Variants in FBXW11 observed in about 807,000 individuals in gnomAD.
FBXW11 encodes F-box/WD repeat-containing protein 11.
FBXW11 carries 19 observed loss-of-function variants against 77.6 expected under a neutral mutation model. The observed-to-expected ratio is 0.24, with a 90% confidence interval of 0.17 to 0.36. FBXW11 has a LOEUF of 0.36. Among genes scored for constraint, FBXW11 ranks in the 10% least tolerant of loss-of-function variants. The pLI is 1.00. For missense variants in FBXW11, 334 were observed against 704.2 expected (o/e 0.47, Z 5.95); for synonymous variants, 235 against 249.4 (o/e 0.94, Z 0.54).
intron 7 of FBXW11, among the ~76,000 whole-genome samples, chr5:171,883,678 G>A (rs1758681741): frequency 6.6e-6 from 1 of 152,064 alleles, no homozygotes; most frequent in South Asian, 2.1e-4. Flanking sequence ...GGCCATTCTT[G>A]CAGGAGGTGG....
At chr5:171,965,742 T>C (rs995912789) in intron 1 of FBXW11, among the ~76,000 whole-genome samples, 1 of 152,188 alleles carries the variant, frequency 6.6e-6, no homozygotes, top group African/African-American at 2.4e-5. Flanking sequence ...ACTTATTTTG[T>C]TTAATTATAA....
chr5:171,952,448 T>TATA (rs1491271340), intron 2 of FBXW11, among the ~76,000 whole-genome samples: 2 of 10,882 alleles, frequency 1.8e-4, no homozygotes, highest in African/African-American at 2.9e-4. Context: ...TATATATATA[T>TATA]TTTTTTTTTT....
At chr5:171,872,126 T>C (rs1296982617) in intron 10 of FBXW11, among the ~76,000 whole-genome samples, 1 of 152,240 alleles carries the variant, frequency 6.6e-6, no homozygotes, top group Non-Finnish European at 1.5e-5. Flanking sequence ...CCAATCTTTA[T>C]TTTGACCAAA....
intron 13 of FBXW11, among the ~76,000 whole-genome samples, chr5:171,867,478 A>C (rs1457178309): frequency 6.6e-6 from 1 of 150,882 alleles, no homozygotes; most frequent in Non-Finnish European, 1.5e-5. Context: ...TTAATGGATA[A>C]GCAGAGACTA....
At chr5:171,955,125 C>T (rs568751369) in intron 2 of FBXW11, among the ~76,000 whole-genome samples, 35 of 152,310 alleles carry the variant, frequency 2.3e-4, no homozygotes, top group African/African-American at 7.7e-4. Context: ...GTCTCTGATA[C>T]CTGTTTTCCC....
chr5:171,865,798 G>A (rs966264353), intron 13 of FBXW11, among the ~76,000 whole-genome samples: 1 of 152,020 alleles, frequency 6.6e-6, no homozygotes, highest in East Asian at 1.9e-4. Flanking sequence ...TTTTAAAAAC[G>A]ACTCCGCAGA....
chr5:171,901,375 C>T (rs1013385159), intron 4 of FBXW11, among the ~76,000 whole-genome samples: 2 of 152,128 alleles, frequency 1.3e-5, no homozygotes, highest in Admixed American at 6.6e-5. Flanking sequence ...TATAAGATTA[C>T]GATAATCTCT....
At chr5:171,965,294 G>A (rs1221972555) in intron 1 of FBXW11, among the ~76,000 whole-genome samples, 3 of 152,206 alleles carry the variant, frequency 2.0e-5, no homozygotes, top group Non-Finnish European at 4.4e-5. Flanking sequence ...GGGAGGCCAA[G>A]GCAGGAGATT....
chr5:171,921,126 A>G (rs1761571039), intron 2 of FBXW11, among the ~76,000 whole-genome samples: 1 of 152,228 alleles, frequency 6.6e-6, no homozygotes, highest in African/African-American at 2.4e-5. Context: ...CAATAATCCT[A>G]GAATCTCTTC....
intron 1 of FBXW11, among the ~76,000 whole-genome samples, chr5:171,981,491 T>G (rs764460598): frequency 6.6e-6 from 1 of 152,162 alleles, no homozygotes; most frequent in Non-Finnish European, 1.5e-5. Flanking sequence ...GTGGGGGCAG[T>G]CTTTTGGTTA....
intron 2 of FBXW11, among the ~76,000 whole-genome samples, chr5:171,933,375 T>C (rs941093450): frequency 6.6e-6 from 1 of 152,170 alleles, no homozygotes; most frequent in Non-Finnish European, 1.5e-5. Context: ...GAAGCACACA[T>C]AGAATTCTTA....
chr5:171,981,365 C>T (rs1372049087), intron 1 of FBXW11, among the ~76,000 whole-genome samples: 1 of 152,024 alleles, frequency 6.6e-6, no homozygotes, highest in African/African-American at 2.4e-5. Context: ...AAAGTATTTC[C>T]CTGAGTTCTG....
intron 1 of FBXW11, among the ~76,000 whole-genome samples, chr5:171,960,548 T>C (rs955409049): frequency 6.6e-6 from 1 of 152,244 alleles, no homozygotes; most frequent in African/African-American, 2.4e-5. Flanking sequence ...AGGTATTGAT[T>C]AGATTCTGCT....
At chr5:171,961,045 T>A (rs1763883793) in intron 1 of FBXW11, among the ~76,000 whole-genome samples, 1 of 152,158 alleles carries the variant, frequency 6.6e-6, no homozygotes, top group Non-Finnish European at 1.5e-5. Context: ...ATAAAGGATA[T>A]CTCATCTCAT....
At chr5:171,976,908 T>C (rs926474348) in intron 1 of FBXW11, among the ~76,000 whole-genome samples, 1 of 151,478 alleles carries the variant, frequency 6.6e-6, no homozygotes, top group African/African-American at 2.4e-5. Flanking sequence ...TAGCCAGGTG[T>C]GGTGGTGCAT....
chr5:171,895,535 G>A (rs1467398961), intron 6 of FBXW11, among the ~76,000 whole-genome samples: 7 of 152,138 alleles, frequency 4.6e-5, no homozygotes, highest in Non-Finnish European at 7.4e-5. Context: ...AGAGCACTTC[G>A]GAGGCGTTAA....
intron 6 of FBXW11, among the ~76,000 whole-genome samples, chr5:171,892,703 A>G (rs1428835585): frequency 1.3e-5 from 2 of 152,358 alleles, no homozygotes; most frequent in African/African-American, 2.4e-5. Context: ...GGTAGTAGAC[A>G]TAAGTGATTT....
At chr5:171,899,533 C>T (rs894005722) in intron 5 of FBXW11, among the ~76,000 whole-genome samples, 7 of 152,132 alleles carry the variant, frequency 4.6e-5, no homozygotes, top group African/African-American at 1.4e-4. Context: ...CTGAAAAATC[C>T]TATCACTGTT....
At chr5:171,894,586 G>A (rs1193608752) in intron 6 of FBXW11, among the ~76,000 whole-genome samples, 3 of 151,974 alleles carry the variant, frequency 2.0e-5, no homozygotes, top group Non-Finnish European at 4.4e-5. Flanking sequence ...CAAGGCCACC[G>A]GCACAAGAAA....
Sources: gnomAD v4.1 joint callset for allele counts (sites outside exome capture counted in the v4.1 genomes callset) on GRCh38, gnomAD v4.1.1 for gene constraint, MANE v1.5 for transcripts, NCBI Gene and HGNC (gene_info 2026-07-23, HGNC 2026-07-21) for gene names.